The following EIF3B variants were observed in gnomAD, a reference collection of about 807,000 sequenced individuals.
The protein encoded by EIF3B is eukaryotic translation initiation factor 3 subunit B.
Under a neutral mutation model 104.6 loss-of-function variants are expected in EIF3B, and 10 were observed. The ratio of observed to expected loss-of-function variants is 0.10; its 90% confidence interval spans 0.06 to 0.16. The LOEUF is 0.16. Among genes scored for constraint, EIF3B ranks in the 10% least tolerant of loss-of-function variants. The pLI, the probability that EIF3B is intolerant of heterozygous loss-of-function variation, is 1.00. For missense variants in EIF3B, 1,014 were observed against 1,087.9 expected (o/e 0.93, Z 0.96); for synonymous variants, 542 against 417.2 (o/e 1.30, Z -3.65).
intron 9 of EIF3B, 25 bp downstream of exon 9, chr7:2,367,070 T>C (rs1780061753): frequency 2.5e-6 from 4 of 1,599,980 alleles, no homozygotes; most frequent in African/African-American, 1.4e-5. Flanking sequence ...CAGTTTGGTG[T>C]CTTAGTGTGT....
At chr7:2,356,399 T>C (rs1411206859) in intron 1 of EIF3B, among the ~76,000 whole-genome samples, 8 of 151,534 alleles carry the variant, frequency 5.3e-5, no homozygotes, top group Admixed American at 5.3e-4. Flanking sequence ...GATCACGAGG[T>C]CACCATCCTG....
chr7:2,374,413 C>G, intron 12 of EIF3B, 115 bp from the exon 13 acceptor site: 1 of 888,682 alleles, frequency 1.1e-6, no homozygotes, highest in East Asian at 2.4e-5. Flanking sequence ...GGTGGTCCAG[C>G]ATTACCAGCT....
At position 2,372,815 on chromosome 7, in the gene EIF3B, T is replaced by C. The variant is rs1780428961; in HGVS notation, c.1810+20T>C. The C allele has an allele frequency of 3.7e-6, 6 of 1,612,038 alleles. No individual in the cohort carries two copies. The highest frequency in any genetic ancestry group is 3.4e-6 in the Non-Finnish European group (4 of 1,178,770). On this transcript the variant is annotated intron_variant, in intron 12 of 18. Coordinates refer to ENST00000360876, the MANE Select transcript of EIF3B (RefSeq NM_001037283.2). The stretch of plus-strand genomic sequence containing the variant: ...TCATCAGTAAGTAACCTGGTCCCTT[T>C]CCTCTTCTGAGTAGGTCAGCACAGA...
Position 2,369,508 on chromosome 7 carries a change from C to T in EIF3B, c.1440C>T (p.Ala480=), listed in dbSNP as rs1583169247. 3.1e-6 allele frequency: 5 copies of T among 1,614,086 alleles called. No homozygotes were observed. The highest frequency in any genetic ancestry group is 4.2e-6 in the Non-Finnish European group (5 of 1,180,048). Residue 480 remains alanine (A), a synonymous_variant, in exon 10 of 19, where the codon GCC becomes GCT. Transcript: ENST00000360876. ...FSWSPGGNII[A]FWVPEDKDIP... is the part of the protein sequence containing the mutation. Reference sequence around the variant, plus strand: ...GGTCTCCTGGTGGTAACATAATCGCCTTCTGGGTGCCTGAAGACAAAGATA... The same window carrying T: ...GGTCTCCTGGTGGTAACATAATCGCTTTCTGGGTGCCTGAAGACAAAGATA...
At chr7:2,360,216 C>T (rs972258121) in intron 1 of EIF3B, among the ~76,000 whole-genome samples, 2 of 152,132 alleles carry the variant, frequency 1.3e-5, no homozygotes, top group Non-Finnish European at 1.5e-5. Context: ...AATTTGTATT[C>T]ACAGCACAAA....
chr7:2,375,372 CCTGT>C lies in EIF3B; in HGVS notation c.1890-10_1890-7del, dbSNP rs1583178979. 2 of 1,613,704 alleles carry C rather than the reference CCTGT, an allele frequency of 1.2e-6. No individual in the cohort carries two copies. The highest frequency in any genetic ancestry group is 2.2e-5 in the South Asian group (2 of 91,070). ...ATGCGTCTCCATGAAGCCTGACGGT[CCTGT>C]CTGTCTTTGCAGTATGAACGGTGCC... On this transcript the variant is annotated splice_polypyrimidine_tract_variant and intron_variant, in intron 13 of 18. Coordinates refer to ENST00000360876, the MANE Select transcript of EIF3B (RefSeq NM_001037283.2).
intron 14 of EIF3B, 98 bp downstream of exon 14, chr7:2,375,625 C>A: frequency 1.3e-6 from 2 of 1,542,118 alleles, no homozygotes. Context: ...AGGGAAGGGG[C>A]ACCAAGCCTC....
chr7:2,367,293 C>T (rs532392519), intron 9 of EIF3B, among the ~76,000 whole-genome samples: 3 of 152,086 alleles, frequency 2.0e-5, no homozygotes, highest in South Asian at 2.1e-4. Context: ...GTGGCCTGTT[C>T]TGTAAAGTCT....
chr7:2,369,376 C>CTTCT, intron 9 of EIF3B, 96 bp from the exon 10 acceptor site: 3 of 1,314,660 alleles, frequency 2.3e-6, no homozygotes, highest in Non-Finnish European at 3.3e-6. Flanking sequence ...CAGCATTGAG[C>CTTCT]TTCTATATAG....
intron 2 of EIF3B, among the ~76,000 whole-genome samples, chr7:2,361,266 T>C (rs1179703548): frequency 4.6e-5 from 7 of 152,076 alleles, no homozygotes; most frequent in Non-Finnish European, 8.8e-5. Context: ...CTAAAATAAA[T>C]AAATAAAGTA....
Position 2,380,314 on chromosome 7 carries a change from G to T in EIF3B, c.*125G>T, listed in dbSNP as rs370904265. The T allele has an allele frequency of 4.3e-5, 22 of 517,240 alleles. No homozygotes were observed. Among genetic ancestry groups the T allele is most frequent in the African/African-American group, 4.0e-4 (21 of 52,074 alleles). 32.0% of individuals were successfully genotyped at this position (517,240 alleles called of 1,614,324 possible). On this transcript the variant is annotated 3_prime_UTR_variant, in exon 19 of 19. Transcript: ENST00000360876. ...TGTGCTGTGGAGCCGAGGCCGTCCT[G>T]CAGGAAGCCGCGTGACTCCCGCCTC...
intron 1 of EIF3B, among the ~76,000 whole-genome samples, chr7:2,358,210 A>C (rs1381473478): frequency 6.6e-6 from 1 of 152,010 alleles, no homozygotes; most frequent in Non-Finnish European, 1.5e-5. Flanking sequence ...CAGCCTCCCA[A>C]GTAGCTGGGA....
intron 2 of EIF3B, 46 bp downstream of exon 2, chr7:2,360,948 C>T: frequency 6.7e-7 from 1 of 1,483,942 alleles, no homozygotes; most frequent in Non-Finnish European, 9.3e-7. Flanking sequence ...TCTGGCACGT[C>T]ATGATGAGGG....
At chr7:2,372,935 G>A (rs903458817) in intron 12 of EIF3B, 140 bp downstream of exon 12, 8 of 878,528 alleles carry the variant, frequency 9.1e-6, no homozygotes, top group African/African-American at 3.4e-5. Context: ...GTGTGGCCTC[G>A]GCTGATGGAA....
intron 8 of EIF3B, 130 bp from the exon 9 acceptor site, chr7:2,366,869 C>CA (rs1780054749): frequency 2.0e-6 from 2 of 1,005,510 alleles, no homozygotes; most frequent in Non-Finnish European, 1.5e-6. Flanking sequence ...GGTTCACTGT[C>CA]ACGCTCTGTG....
chr7:2,355,313 A>G lies in EIF3B; in HGVS notation c.392A>G (p.Asn131Ser), dbSNP rs1242028538. The G allele has an allele frequency of 1.2e-5, 18 of 1,540,780 alleles. No homozygotes were observed. In the African/African-American group the frequency reaches 1.6e-4, roughly 14 times the overall value. The change falls in exon 1 of 19, where the codon AAC becomes AGC. Residue 131 changes from asparagine (N) to serine (S), a missense_variant. By Grantham distance (46) the Asn-to-Ser change is conservative. Coordinates refer to ENST00000360876, the MANE Select transcript of EIF3B (RefSeq NM_001037283.2). ...AQAVSEDAGG[N>S]EGRAAEAEPR... ...GCGGTGTCCGAGGACGCGGGAGGAA[A>G]CGAGGGCAGAGCGGCCGAGGCCGAA...
At chr7:2,365,677 TTTG>T (rs1779977988) in intron 6 of EIF3B, among the ~76,000 whole-genome samples, 2 of 69,330 alleles carry the variant, frequency 2.9e-5, no homozygotes, top group South Asian at 3.6e-4. Context: ...GTTTGTTTGT[TTTG>T]TTTTTTTTTT....
intron 10 of EIF3B, among the ~76,000 whole-genome samples, chr7:2,370,449 C>T (rs372533182): frequency 6.6e-6 from 1 of 152,154 alleles, no homozygotes; most frequent in South Asian, 2.1e-4. Flanking sequence ...CCACTGCACC[C>T]CAGCCTGGCG....
intron 15 of EIF3B, chr7:2,378,012 T>C (rs374086093): frequency 0.035 from 713 of 20,592 alleles, 43 homozygotes; most frequent in Admixed American, 0.061. Flanking sequence ...CCTGGGATGC[T>C]GTGTTCTGTG....
Sources: allele counts gnomAD v4.1 joint callset (sites outside exome capture counted in the v4.1 genomes callset), GRCh38; gene constraint gnomAD v4.1.1; transcripts MANE v1.5; gene names NCBI Gene and HGNC (gene_info 2026-07-23, HGNC 2026-07-21).